Variants in FNDC3B observed in about 807,000 individuals in gnomAD.
FNDC3B encodes fibronectin type III domain-containing protein 3B.
In FNDC3B, 12 loss-of-function variants were observed where a neutral mutation model predicts 151.5. That is an observed-to-expected ratio of 0.08 (90% CI 0.05 to 0.13). The LOEUF (loss-of-function observed/expected upper bound fraction) is 0.13, where lower values mean the gene tolerates loss of function less well. Ranked by LOEUF, FNDC3B falls within the 10% of genes least tolerant of loss-of-function variation. The probability of loss-of-function intolerance (pLI) is 1.00; values close to 1 mark genes in which losing one functional copy is unlikely to be tolerated. For synonymous variants in FNDC3B, 528 were observed against 549.0 expected, an observed-to-expected ratio of 0.96 and a Z score of 0.54; for missense variants, 1,214 against 1,505.3, an observed-to-expected ratio of 0.81 and a Z score of 3.20.
intron 1 of FNDC3B, among the ~76,000 whole-genome samples, chr3:172,060,302 G>T (rs1054028949): frequency 6.6e-6 from 1 of 152,158 alleles, no homozygotes; most frequent in African/African-American, 2.4e-5. Context: ...TTGCTAGGGT[G>T]GGGGGTGGTA....
chr3:172,166,836 G>C (rs947158534), intron 3 of FNDC3B, among the ~76,000 whole-genome samples: 4 of 130,524 alleles, frequency 3.1e-5, no homozygotes, highest in Admixed American at 8.0e-5. Context: ...GCGGGTGGGT[G>C]GGGGGAGGGG....
At chr3:172,133,656 C>G (rs1447823120) in intron 3 of FNDC3B, 110 bp downstream of exon 3, 1 of 818,430 alleles carries the variant, frequency 1.2e-6, no homozygotes, top group Admixed American at 1.7e-5. Context: ...TAAAGTATAT[C>G]TTGGATATTC....
intron 2 of FNDC3B, among the ~76,000 whole-genome samples, chr3:172,117,797 C>T (rs1720338743): frequency 6.6e-6 from 1 of 152,340 alleles, no homozygotes; most frequent in South Asian, 2.1e-4. Flanking sequence ...ATTTGTCATA[C>T]TATTCTTCTT....
At chr3:172,358,204 A>T (rs748636090) in intron 22 of FNDC3B, among the ~76,000 whole-genome samples, 6 of 152,234 alleles carry the variant, frequency 3.9e-5, no homozygotes, top group Non-Finnish European at 1.5e-5. Context: ...CTCCTACCTT[A>T]TGGGGTCAGC....
intron 1 of FNDC3B, among the ~76,000 whole-genome samples, chr3:172,048,658 A>C (rs1433820810): frequency 2.0e-5 from 3 of 152,260 alleles, no homozygotes; most frequent in African/African-American, 7.2e-5. Flanking sequence ...TGTTTATAGC[A>C]GCATTATTGA....
intron 2 of FNDC3B, among the ~76,000 whole-genome samples, chr3:172,130,850 T>C (rs1559980200): frequency 1.3e-5 from 2 of 152,146 alleles, no homozygotes; most frequent in Non-Finnish European, 2.9e-5. Context: ...CATCCATTGG[T>C]TCCCCCCTCC....
chr3:172,368,898 C>A (rs1301298787), intron 23 of FNDC3B, among the ~76,000 whole-genome samples: 2 of 152,170 alleles, frequency 1.3e-5, no homozygotes, highest in Non-Finnish European at 2.9e-5. Flanking sequence ...ATAGTCCCAG[C>A]TACTCAGGAG....
At chr3:172,389,199 T>C (rs1735879506) in intron 25 of FNDC3B, among the ~76,000 whole-genome samples, 1 of 152,220 alleles carries the variant, frequency 6.6e-6, no homozygotes, top group Admixed American at 6.5e-5. Flanking sequence ...CATTTAGTTG[T>C]ATAAAATATG....
intron 1 of FNDC3B, among the ~76,000 whole-genome samples, chr3:172,051,791 G>A (rs1716667368): frequency 6.6e-6 from 1 of 152,166 alleles, no homozygotes; most frequent in African/African-American, 2.4e-5. Flanking sequence ...TGAGTCACCT[G>A]TAGTGCAAAC....
chr3:172,362,551 A>G (rs1184918144), intron 22 of FNDC3B, 82 bp from the exon 23 acceptor site: 2 of 1,041,414 alleles, frequency 1.9e-6, no homozygotes, highest in African/African-American at 1.6e-5. Context: ...AGTAATAAAT[A>G]CTATGCTCAA....
chr3:172,245,666 G>A (rs192938931), intron 4 of FNDC3B, among the ~76,000 whole-genome samples: 57 of 151,554 alleles, frequency 3.8e-4, no homozygotes, highest in African/African-American at 1.2e-3. Flanking sequence ...ATACATGCAT[G>A]AGAATTTCCA....
chr3:172,309,754 C>T (rs1576897255), intron 10 of FNDC3B, among the ~76,000 whole-genome samples: 1 of 152,184 alleles, frequency 6.6e-6, no homozygotes, highest in Non-Finnish European at 1.5e-5. Context: ...TTACTGAGTG[C>T]TTCCTATAAA....
At position 172,335,058 on chromosome 3, in the gene FNDC3B, T is replaced by G. The variant is rs1732888738; in HGVS notation, c.1756T>G (p.Ser586Ala). The G allele has an allele frequency of 1.2e-6, 2 of 1,610,528 alleles. No individual in the cohort carries two copies. Among genetic ancestry groups the G allele is most frequent in the Admixed American group, 1.7e-5 (1 of 59,582 alleles). Residue 586 changes from serine (S) to alanine (A), a missense_variant, in exon 15 of 26, where the codon TCT becomes GCT. By Grantham distance (99) the Ser-to-Ala change is moderately conservative (BLOSUM62 1). This residue lies in a region of FNDC3B where 380 missense variants were observed against 420.9 expected (regional missense o/e 0.90). Transcript: ENST00000415807. The stretch of plus-strand genomic sequence containing the variant: ...ACCGCTTGTCAAAGGCCCAGTTACA[T>G]CTCATGGCTTTAGTGTCAAATGGGG... ...TRPLVKGPVT[S>A]HGFSVKWDPP...
intron 22 of FNDC3B, among the ~76,000 whole-genome samples, chr3:172,355,684 G>A (rs1053868720): frequency 1.3e-5 from 2 of 152,200 alleles, no homozygotes. Context: ...ACACCTGTAG[G>A]CCGCAATTGG....
At chr3:172,092,364 T>C (rs953304428) in intron 1 of FNDC3B, among the ~76,000 whole-genome samples, 2 of 152,198 alleles carry the variant, frequency 1.3e-5, no homozygotes, top group African/African-American at 2.4e-5. Flanking sequence ...TTCTGAGCCT[T>C]AACAAAAAGA....
intron 16 of FNDC3B, 176 bp downstream of exon 16, chr3:172,337,577 A>C: frequency 1.9e-6 from 1 of 518,684 alleles, no homozygotes; most frequent in East Asian, 3.2e-5. Context: ...ACAGCACCAG[A>C]GATCAGAGTC....
chr3:172,174,549 G>A (rs1723451388), intron 3 of FNDC3B, among the ~76,000 whole-genome samples: 1 of 152,218 alleles, frequency 6.6e-6, no homozygotes, highest in African/African-American at 2.4e-5. Flanking sequence ...TGGTCCCTGA[G>A]TATCTTTATG....
At chr3:172,152,948 G>T (rs1356078762) in intron 3 of FNDC3B, among the ~76,000 whole-genome samples, 1 of 152,126 alleles carries the variant, frequency 6.6e-6, no homozygotes, top group Non-Finnish European at 1.5e-5. Flanking sequence ...GTATTATGAT[G>T]ACATCTGGCA....
chr3:172,318,639 T>A (rs1046843048), intron 11 of FNDC3B, among the ~76,000 whole-genome samples: 2 of 152,144 alleles, frequency 1.3e-5, no homozygotes, highest in African/African-American at 4.8e-5. Flanking sequence ...TTTGCTTGAC[T>A]CCAGCTCTCT....
Sources: gnomAD v4.1 joint callset for allele counts (sites outside exome capture counted in the v4.1 genomes callset) on GRCh38, gnomAD v4.1.1 for gene constraint, gnomAD v4.1.1 regional missense constraint, MANE v1.5 for transcripts, NCBI Gene and HGNC (gene_info 2026-07-23, HGNC 2026-07-21) for gene names.